The following LRRC63 variants were observed in gnomAD, a reference collection of about 807,000 sequenced individuals.
LRRC63 encodes the protein leucine rich repeat containing 63.
A neutral mutation model predicts 49.5 loss-of-function variants in LRRC63; 40 were observed. That is an observed-to-expected ratio of 0.81 (90% CI 0.63 to 1.05). The LOEUF (loss-of-function observed/expected upper bound fraction) is 1.05, where lower values mean the gene tolerates loss of function less well. Among genes scored for constraint, LRRC63 ranks in the 50% least tolerant of loss-of-function variants. The pLI, the probability that LRRC63 is intolerant of heterozygous loss-of-function variation, is 0.00. For missense variants in LRRC63, 636 were observed against 663.1 expected (o/e 0.96, Z 0.45); for synonymous variants, 191 against 221.1 (o/e 0.86, Z 1.21).
intron 7 of LRRC63, among the ~76,000 whole-genome samples, chr13:46,260,822 C>A (rs1195590253): frequency 6.6e-6 from 1 of 152,122 alleles, no homozygotes; most frequent in Non-Finnish European, 1.5e-5. Context: ...GAGAGGCAAG[C>A]TGGACAAGTA....
chr13:46,228,820 T>C (rs2046656021), intron 4 of LRRC63, 87 bp downstream of exon 4: 1 of 911,066 alleles, frequency 1.1e-6, no homozygotes, highest in East Asian at 2.6e-5. Context: ...TGTGTTTATG[T>C]GTGTGATTCA....
intron 5 of LRRC63, among the ~76,000 whole-genome samples, chr13:46,236,980 C>G (rs1445804186): frequency 1.3e-5 from 2 of 152,064 alleles, no homozygotes; most frequent in African/African-American, 4.8e-5. Flanking sequence ...TCAATCCAAA[C>G]TACATTGTTG....
intron 4 of LRRC63, among the ~76,000 whole-genome samples, chr13:46,229,839 C>T (rs2046692371): frequency 6.6e-6 from 1 of 152,164 alleles, no homozygotes; most frequent in African/African-American, 2.4e-5. Flanking sequence ...CACAGTTCTG[C>T]AGACCTTACA....
chr13:46,215,004 G>A (rs145780558), intron 2 of LRRC63, among the ~76,000 whole-genome samples: 1 of 152,260 alleles, frequency 6.6e-6, no homozygotes, highest in Non-Finnish European at 1.5e-5. Flanking sequence ...TCTTTATCCA[G>A]TCTATCACTG....
At chr13:46,247,151 T>C (rs2047237381) in intron 6 of LRRC63, among the ~76,000 whole-genome samples, 1 of 152,194 alleles carries the variant, frequency 6.6e-6, no homozygotes, top group Non-Finnish European at 1.5e-5. Context: ...CATTGATTAC[T>C]GGGTAATTGG....
At chr13:46,266,861 A>G in exon 9 of LRRC63, 1 of 1,549,562 alleles carries the variant, frequency 6.5e-7, no homozygotes, top group Non-Finnish European at 8.7e-7. Context: ...AGAGATAATT[A>G]TTTGAATAAT....
intron 4 of LRRC63, among the ~76,000 whole-genome samples, chr13:46,229,159 A>G (rs2046669258): frequency 6.6e-6 from 1 of 152,218 alleles, no homozygotes; most frequent in South Asian, 2.1e-4. Context: ...AAAGAGAAAG[A>G]CAAAATGAAT....
exon 9 of LRRC63, chr13:46,266,909 T>C: frequency 6.5e-7 from 1 of 1,548,592 alleles, no homozygotes; most frequent in East Asian, 2.5e-5. Flanking sequence ...TTGTTCATTG[T>C]CCAAAATAAA....
intron 2 of LRRC63, among the ~76,000 whole-genome samples, chr13:46,222,536 G>A (rs1234499749): frequency 6.6e-6 from 1 of 152,122 alleles, no homozygotes; most frequent in African/African-American, 2.4e-5. Flanking sequence ...AGTTAGAATG[G>A]CAATCATTAA....
At chr13:46,223,858 A>G (rs1442677204) in intron 2 of LRRC63, among the ~76,000 whole-genome samples, 2 of 152,178 alleles carry the variant, frequency 1.3e-5, no homozygotes, top group African/African-American at 4.8e-5. Flanking sequence ...CTTGTCTCAA[A>G]AACAAAAACA....
intron 2 of LRRC63, among the ~76,000 whole-genome samples, chr13:46,225,214 A>G (rs528560223): frequency 1.3e-5 from 2 of 152,354 alleles, no homozygotes; most frequent in African/African-American, 4.8e-5. Flanking sequence ...AGTTCCAGAC[A>G]TGCTGTTCTC....
intron 5 of LRRC63, among the ~76,000 whole-genome samples, chr13:46,238,199 A>T (rs1390575098): frequency 6.6e-6 from 1 of 152,172 alleles, no homozygotes; most frequent in African/African-American, 2.4e-5. Context: ...CCTCACAATG[A>T]ATAGTGGGAG....
rs1446469076 is a variant in LRRC63 at position 46,228,194 on chromosome 13, A to G, written c.763+5A>G. The G allele has an allele frequency of 7.2e-6, 11 of 1,530,430 alleles. No individual in the cohort carries two copies. The South Asian group carries it at 9.8e-5, about 14-fold the overall frequency. 94.8% of individuals were successfully genotyped at this position (1,530,430 alleles called of 1,614,324 possible). On this transcript the variant is annotated splice_donor_5th_base_variant and intron_variant, in intron 3 of 9. Transcript: ENST00000595396. Reference sequence around the variant, plus strand: ...CTCACAGGCAGTCTGTGATAGGTAAATACAATCTGAACACGGTATAATTAT... The same window carrying G: ...CTCACAGGCAGTCTGTGATAGGTAAGTACAATCTGAACACGGTATAATTAT...
chr13:46,234,224 A>G, exon 5 of LRRC63: 4 of 1,550,142 alleles, frequency 2.6e-6, no homozygotes, highest in Non-Finnish European at 3.5e-6. Flanking sequence ...AGAATCAGAG[A>G]TACACGTTGT....
At position 46,228,201 on chromosome 13, in the gene LRRC63, C is replaced by A; in HGVS notation, c.763+12C>A. Reference sequence around the variant, plus strand: ...GCAGTCTGTGATAGGTAAATACAATCTGAACACGGTATAATTATAGAGTCA... The same window carrying A: ...GCAGTCTGTGATAGGTAAATACAATATGAACACGGTATAATTATAGAGTCA... On this transcript the variant is annotated intron_variant, in intron 3 of 9. Transcript: ENST00000595396. The A allele has an allele frequency of 6.6e-7, 1 of 1,518,078 alleles. No individual in the cohort carries two copies. The highest frequency in any genetic ancestry group is 8.9e-7 in the Non-Finnish European group (1 of 1,127,142). The allele number at this position is 1,518,078 out of a possible 1,614,324, so 94.0% of individuals were successfully genotyped here. A position where few individuals can be genotyped will look rare whatever the true frequency, so the allele number is the denominator to read the frequency against.
chr13:46,257,713 A>G (rs1278624170), intron 7 of LRRC63, among the ~76,000 whole-genome samples: 1 of 152,214 alleles, frequency 6.6e-6, no homozygotes, highest in Non-Finnish European at 1.5e-5. Context: ...GTATTTTATT[A>G]AATAAAACAA....
intron 9 of LRRC63, 26 bp from the exon 10 acceptor site, chr13:46,276,564 T>C (rs1254435252): frequency 1.1e-5 from 12 of 1,127,636 alleles, no homozygotes; most frequent in African/African-American, 1.6e-5. Flanking sequence ...TTATTAAATA[T>C]TGACTTGCTG....
exon 10 of LRRC63, chr13:46,276,832 ATATATATATATATATATATT>A (rs2047845567): frequency 3.5e-5 from 5 of 141,924 alleles, no homozygotes; most frequent in Admixed American, 7.9e-5. Flanking sequence ...GTGTGTGTAT[ATATATATATATATATATATT>A]TATATATATA....
chr13:46,255,643 C>A (rs2047488720), intron 7 of LRRC63, among the ~76,000 whole-genome samples: 7 of 95,692 alleles, frequency 7.3e-5, no homozygotes, highest in African/African-American at 3.7e-4. Flanking sequence ...GACCCTGCCT[C>A]AAATATATAT....
Sources: allele counts gnomAD v4.1 joint callset (sites outside exome capture counted in the v4.1 genomes callset), GRCh38; gene constraint gnomAD v4.1.1; transcripts MANE v1.5; gene names NCBI Gene and HGNC (gene_info 2026-07-23, HGNC 2026-07-21).